Variants in ACO2 observed in about 807,000 individuals in gnomAD.
ACO2 encodes the protein aconitate hydratase, mitochondrial.
A neutral mutation model predicts 84.5 loss-of-function variants in ACO2; 31 were observed. That is an observed-to-expected ratio of 0.37 (90% confidence interval 0.28 to 0.50). ACO2 has a LOEUF of 0.50. Among genes scored for constraint, ACO2 ranks in the 20% least tolerant of loss-of-function variants. The probability of loss-of-function intolerance (pLI) is 0.97; values close to 1 mark genes in which losing one functional copy is unlikely to be tolerated. For synonymous variants in ACO2, 414 were observed against 412.7 expected, an observed-to-expected ratio of 1.00 and a Z score of -0.04; for missense variants, 685 against 1,029.3, an observed-to-expected ratio of 0.67 and a Z score of 4.58.
rs2066550580 is a variant in ACO2, at chr22:41,523,949, T to C, written c.1482+8T>C. On this transcript the variant is annotated splice_region_variant and intron_variant, in intron 12 of 17. Coordinates refer to ENST00000216254, the MANE Select transcript of ACO2 (RefSeq NM_001098.3). The stretch of plus-strand genomic sequence containing the variant: ...TTTGTCACGTCCCCAGAGGTGAGAC[T>C]GCCCAGCTGCGCACAAGCCTGGGAT... 6 of 1,611,776 alleles carry C rather than the reference T, an allele frequency of 3.7e-6. No individual in the cohort carries two copies. The highest frequency in any genetic ancestry group is 5.1e-6 in the Non-Finnish European group (6 of 1,178,598).
intron 8 of ACO2, 43 bp from the exon 9 acceptor site, chr22:41,520,128 C>T (rs753344596): frequency 1.3e-6 from 2 of 1,506,222 alleles, no homozygotes; most frequent in Non-Finnish European, 1.8e-6. Flanking sequence ...TTCAAGGTTT[C>T]TTCCCTCCTC....
At position 41,522,428 on chromosome 22, in the gene ACO2, T is replaced by G. The variant is rs2066534319; in HGVS notation, c.1139-402T>G. On this transcript the variant is annotated intron_variant, in intron 9 of 17. Coordinates refer to ENST00000216254, the MANE Select transcript of ACO2 (RefSeq NM_001098.3). ...TAAAAAGAACTCTTATTGCCCTGATTATAAAACAATCTTTAAAACCCAGAA... is the reference window on the plus strand; with the variant it reads ...TAAAAAGAACTCTTATTGCCCTGATGATAAAACAATCTTTAAAACCCAGAA... Among the ~76,000 whole-genome samples, 5 of 152,298 alleles carry G rather than the reference T, an allele frequency of 3.3e-5. No individual in the cohort carries two copies. The South Asian group carries it at 1.0e-3, about 32-fold the overall frequency.
intron 1 of ACO2, among the ~76,000 whole-genome samples, chr22:41,493,616 A>G (rs2066290438): frequency 6.6e-6 from 1 of 152,180 alleles, no homozygotes; most frequent in African/African-American, 2.4e-5. Context: ...AAGCTGTTCA[A>G]TCTGGCAATT....
chr22:41,471,263 G>C (rs966937726), intron 1 of ACO2, among the ~76,000 whole-genome samples: 2 of 152,210 alleles, frequency 1.3e-5, no homozygotes, highest in African/African-American at 4.8e-5. Flanking sequence ...TCCAGTAGCA[G>C]AGTCAGGATT....
At chr22:41,522,579 A>G (rs1020304349) in intron 9 of ACO2, among the ~76,000 whole-genome samples, 4 of 152,224 alleles carry the variant, frequency 2.6e-5, no homozygotes, top group African/African-American at 4.8e-5. Context: ...AAAAGGGGTC[A>G]TAGTCCTAAT....
At chr22:41,497,069 T>C (rs1319675171) in intron 1 of ACO2, among the ~76,000 whole-genome samples, 1 of 151,840 alleles carries the variant, frequency 6.6e-6, no homozygotes, top group Non-Finnish European at 1.5e-5. Context: ...CTGTCATTTC[T>C]TTTTTCTTTT....
intron 1 of ACO2, among the ~76,000 whole-genome samples, chr22:41,477,519 C>G (rs1207851829): frequency 1.3e-5 from 2 of 152,074 alleles, no homozygotes; most frequent in South Asian, 4.1e-4. Context: ...TGGAGCCAGG[C>G]CTGGAATTCC....
At chr22:41,528,303 C>A in intron 17 of ACO2, 176 bp from the exon 18 acceptor site, 3 of 965,878 alleles carry the variant, frequency 3.1e-6, no homozygotes, top group South Asian at 3.4e-5. Context: ...CCCCAGGAAT[C>A]CCCTGTAGGT....
intron 2 of ACO2, among the ~76,000 whole-genome samples, chr22:41,500,773 G>A (rs1402560893): frequency 6.6e-6 from 1 of 151,894 alleles, no homozygotes; most frequent in African/African-American, 2.4e-5. Context: ...GTGCAGTCTC[G>A]GCTCACTGCA....
chr22:41,526,406 G>A lies in ACO2; in HGVS notation c.1906G>A (p.Val636Ile), dbSNP rs1034275863. ...CAAGGCCAACTCCGTGCGCAATGCCGTCACTCAGGAGTTTGGCCCCGTCCC... is the reference window on the plus strand; with the variant it reads ...CAAGGCCAACTCCGTGCGCAATGCCATCACTCAGGAGTTTGGCCCCGTCCC... ...NGKANSVRNA[V>I]TQEFGPVPDT... Residue 636 changes from valine (V) to isoleucine (I), a missense_variant, in exon 15 of 18, where the codon GTC (valine) becomes ATC (isoleucine). This residue lies in a region of ACO2 where 174 missense variants were observed against 236.6 expected (regional missense o/e 0.74). Transcript: ENST00000216254. The A allele has an allele frequency of 6.8e-6, 11 of 1,613,734 alleles. No homozygotes were observed. Among genetic ancestry groups the A allele is most frequent in the Middle Eastern group, 1.7e-4 (1 of 5,878 alleles).
intron 9 of ACO2, chr22:41,521,485 A>G (rs552568060): frequency 2.7e-4 from 41 of 152,388 alleles, no homozygotes; most frequent in African/African-American, 8.9e-4. Flanking sequence ...TCTGTAAAAC[A>G]GGAGTCATGA....
intron 2 of ACO2, among the ~76,000 whole-genome samples, chr22:41,504,293 G>A (rs9623411): frequency 0.037 from 5,706 of 152,242 alleles, 353 homozygotes; most frequent in African/African-American, 0.13. Context: ...CTTGCTGGGC[G>A]ACTTCTCTTC....
At chr22:41,522,207 C>G (rs575237560) in intron 9 of ACO2, among the ~76,000 whole-genome samples, 1 of 152,126 alleles carries the variant, frequency 6.6e-6, no homozygotes, top group African/African-American at 2.4e-5. Context: ...TGGTACTCAC[C>G]TGTGGGTCCC....
intron 1 of ACO2, among the ~76,000 whole-genome samples, chr22:41,475,721 C>T (rs1183914661): frequency 6.6e-6 from 1 of 151,672 alleles, no homozygotes; most frequent in Non-Finnish European, 1.5e-5. Context: ...GGTGAAACCC[C>T]ATCTTTACTA....
chr22:41,498,923 G>A (rs903579161), intron 1 of ACO2, among the ~76,000 whole-genome samples: 11 of 151,934 alleles, frequency 7.2e-5, no homozygotes, highest in African/African-American at 2.7e-4. Context: ...GTGAAACCCC[G>A]TCTCTACTAA....
At chr22:41,491,577 ACTGT>A (rs892714221) in intron 1 of ACO2, among the ~76,000 whole-genome samples, 5 of 152,286 alleles carry the variant, frequency 3.3e-5, no homozygotes, top group African/African-American at 1.2e-4. Flanking sequence ...GGCCTTTAAA[ACTGT>A]CTGCAGTAAG....
chr22:41,512,698 G>A (rs938046455), intron 4 of ACO2, among the ~76,000 whole-genome samples: 4 of 152,180 alleles, frequency 2.6e-5, no homozygotes, highest in Admixed American at 6.5e-5. Context: ...CATGTCAGCC[G>A]GGGGCTCCTC....
At chr22:41,482,848 G>A (rs2038104836) in intron 1 of ACO2, among the ~76,000 whole-genome samples, 2 of 152,250 alleles carry the variant, frequency 1.3e-5, no homozygotes, top group Admixed American at 6.5e-5. Context: ...CAGCTTGTAA[G>A]GGGCAGAGCT....
At chr22:41,514,860 T>C (rs1328164709) in intron 4 of ACO2, among the ~76,000 whole-genome samples, 2 of 152,216 alleles carry the variant, frequency 1.3e-5, no homozygotes, top group Non-Finnish European at 2.9e-5. Flanking sequence ...GCATCACCTA[T>C]TCTTTGCAGT....
Sources: allele counts gnomAD v4.1 joint callset (sites outside exome capture counted in the v4.1 genomes callset), GRCh38; gene constraint gnomAD v4.1.1; regional missense constraint gnomAD v4.1.1; transcripts MANE v1.5; gene names NCBI Gene and HGNC (gene_info 2026-07-23, HGNC 2026-07-21).